Variants in VPS13C observed in about 807,000 individuals in gnomAD.
VPS13C encodes the protein vacuolar protein sorting 13 homolog C, also known as intermembrane lipid transfer protein VPS13C.
VPS13C carries 358 observed loss-of-function variants against 456.8 expected under a neutral mutation model. The observed-to-expected ratio is 0.78, with a 90% CI of 0.72 to 0.86. VPS13C has a LOEUF of 0.86. Ranked by LOEUF, VPS13C falls within the 40% of genes least tolerant of loss-of-function variation. VPS13C has a pLI of 0.00. For missense variants in VPS13C, 4,818 were observed against 4,385.4 expected, an observed-to-expected ratio of 1.10 and a Z score of -2.79; for synonymous variants, 1,578 against 1,486.7, an observed-to-expected ratio of 1.06 and a Z score of -1.41.
At chr15:61,884,611 C>G (rs563474794) in intron 67 of VPS13C, among the ~76,000 whole-genome samples, 8 of 151,884 alleles carry the variant, frequency 5.3e-5, no homozygotes, top group African/African-American at 1.9e-4. Flanking sequence ...AGAGAAAAAA[C>G]TCCCATAAAT....
Position 61,942,018 on chromosome 15 carries a change from G to A in VPS13C, c.5198C>T (p.Thr1733Ile). ...AGCAGCTCTTTCTGCAGCCTGGACT[G>A]TGGCTGTACTCAAAGCTTCTTTAGC... ...QTAKEALSTATVQAAERAASS... is the reference protein window; with the variant it reads ...QTAKEALSTAIVQAAERAASS... Residue 1733 changes from threonine to isoleucine, a missense_variant, in exon 46 of 85, where the codon ACA becomes ATA. By Grantham distance (89) the Thr-to-Ile change is moderately conservative. Transcript: ENST00000644861. 1 of 1,612,516 alleles carries A rather than the reference G, an allele frequency of 6.2e-7. No homozygotes were observed. Among genetic ancestry groups the A allele is most frequent in the South Asian group, 1.1e-5 (1 of 90,872 alleles).
At chr15:61,960,029 T>C (rs1340120474) in intron 35 of VPS13C, among the ~76,000 whole-genome samples, 1 of 152,220 alleles carries the variant, frequency 6.6e-6, no homozygotes, top group Non-Finnish European at 1.5e-5. Flanking sequence ...AGACTTGCCT[T>C]GTAGTCATTA....
intron 48 of VPS13C, among the ~76,000 whole-genome samples, 161 bp from the exon 49 acceptor site, chr15:61,934,492 A>G (rs1193243113): frequency 6.6e-6 from 1 of 152,196 alleles, no homozygotes; most frequent in Non-Finnish European, 1.5e-5. Flanking sequence ...CCAACTGTTA[A>G]ATTTTAAAAA....
intron 1 of VPS13C, among the ~76,000 whole-genome samples, chr15:62,056,708 C>A (rs1478281784): frequency 6.6e-6 from 1 of 152,002 alleles, no homozygotes; most frequent in Non-Finnish European, 1.5e-5. Flanking sequence ...TCAGTGGTCA[C>A]GCTCCTAGTC....
intron 6 of VPS13C, among the ~76,000 whole-genome samples, chr15:62,025,016 T>C (rs1348597564): frequency 6.6e-6 from 1 of 152,104 alleles, no homozygotes; most frequent in Non-Finnish European, 1.5e-5. Context: ...AGAATTGCAT[T>C]AAACAGTGAT....
chr15:61,934,345 T>A lies in VPS13C; in HGVS notation c.5756-14A>T, dbSNP rs925549152. ...AATCTTCTTGTTCTAATGGTGAAAA[T>A]TTAAAAGCTTTTAAGTAGGTACGTA... On this transcript the variant is annotated splice_polypyrimidine_tract_variant and intron_variant, in intron 48 of 84. Coordinates refer to ENST00000644861, the MANE Select transcript of VPS13C (RefSeq NM_020821.3). The A allele has an allele frequency of 7.0e-7, 1 of 1,435,696 alleles. No individual in the cohort carries two copies. Among genetic ancestry groups the A allele is most frequent in the Non-Finnish European group, 9.3e-7 (1 of 1,073,508 alleles). The allele number at this position is 1,435,696 out of a possible 1,614,324, so 88.9% of individuals were successfully genotyped here.
chr15:61,865,549 T>C lies in VPS13C; in HGVS notation c.10864-2021A>G, dbSNP rs961850176. ...CATATAATGTATGTATATATGTATGTGTAAATATGTGTATGTTTGCGTATA... is the reference window on the plus strand; with the variant it reads ...CATATAATGTATGTATATATGTATGCGTAAATATGTGTATGTTTGCGTATA... On this transcript the variant is annotated intron_variant, in intron 81 of 84. Coordinates refer to ENST00000644861, the MANE Select transcript of VPS13C (RefSeq NM_020821.3). 5 of 872,684 alleles carry C rather than the reference T, an allele frequency of 5.7e-6. No individual in the cohort carries two copies. In the Admixed American group the frequency reaches 1.9e-4, roughly 33 times the overall value. 54.1% of individuals were successfully genotyped at this position (872,684 alleles called of 1,614,324 possible). A position where few individuals can be genotyped will look rare whatever the true frequency, so the allele number is the denominator to read the frequency against.
intron 81 of VPS13C, chr15:61,864,562 C>A (rs746195506): frequency 5.9e-5 from 56 of 941,378 alleles, no homozygotes; most frequent in Non-Finnish European, 6.7e-5. Flanking sequence ...ATAATATAAT[C>A]AATATAACCA....
Position 61,918,206 on chromosome 15 carries a change from C to A in VPS13C, c.7690G>T (p.Val2564Phe). ...ATCCCAATGCGCTCCAATAGCTTAA[C>A]ATTCTTAACAAATTTATAGATGATA... is the stretch of plus-strand genomic sequence containing the variant. ...AFIIYKFVKN[V>F]KLLERIGIAR... The change falls in exon 59 of 85, where the codon GTT (valine) becomes TTT (phenylalanine). Residue 2564 changes from valine to phenylalanine, a missense_variant. Physicochemically the swap from Val to Phe is conservative, Grantham distance 50 (BLOSUM62 -1). This residue lies in a region of VPS13C where 4,552 missense variants were observed against 4,130.6 expected (regional missense o/e 1.10). Transcript: ENST00000644861. 1 of 1,595,730 alleles carries A rather than the reference C, an allele frequency of 6.3e-7. No individual in the cohort carries two copies. The highest frequency in any genetic ancestry group is 8.5e-7 in the Non-Finnish European group (1 of 1,172,840).
At chr15:61,965,742 T>C (rs899801556) in intron 30 of VPS13C, among the ~76,000 whole-genome samples, 1 of 151,900 alleles carries the variant, frequency 6.6e-6, no homozygotes, top group Non-Finnish European at 1.5e-5. Context: ...CCTTATATTT[T>C]ATACACTTTT....
chr15:61,868,587 C>T (rs1894762623), intron 81 of VPS13C, 72 bp downstream of exon 81: 15 of 1,298,382 alleles, frequency 1.2e-5, no homozygotes, highest in Non-Finnish European at 1.7e-5. Flanking sequence ...CTTTAAGAAC[C>T]ACCTAGGAAA....
At chr15:61,918,279 A>G in intron 58 of VPS13C, 22 bp from the exon 59 acceptor site, 1 of 1,521,734 alleles carries the variant, frequency 6.6e-7, no homozygotes, top group Non-Finnish European at 8.8e-7. Context: ...AAAAAAATAC[A>G]AGTTTTTTAA....
At chr15:61,982,662 T>C in intron 20 of VPS13C, 89 bp from the exon 21 acceptor site, 1 of 860,788 alleles carries the variant, frequency 1.2e-6, no homozygotes, top group South Asian at 1.8e-5. Flanking sequence ...TCTAAACAGC[T>C]GTAGCTTTGA....
chr15:62,044,372 C>A, intron 1 of VPS13C, 117 bp from the exon 2 acceptor site: 1 of 591,244 alleles, frequency 1.7e-6, no homozygotes, highest in Admixed American at 3.9e-5. Context: ...CAATGATAAA[C>A]AAAGGTGACT....
intron 43 of VPS13C, 82 bp downstream of exon 43, chr15:61,947,111 T>G: frequency 7.9e-6 from 7 of 881,482 alleles, no homozygotes; most frequent in Non-Finnish European, 1.0e-5. Context: ...AGAAAACTCA[T>G]GAGAAATCTA....
At chr15:61,964,409 A>G (rs1000219923) in intron 31 of VPS13C, among the ~76,000 whole-genome samples, 1 of 152,028 alleles carries the variant, frequency 6.6e-6, no homozygotes, top group Non-Finnish European at 1.5e-5. Context: ...CCCCTTCAGG[A>G]GCCACTGAGC....
At chr15:61,886,614 C>G (rs921260506) in intron 67 of VPS13C, among the ~76,000 whole-genome samples, 1 of 152,082 alleles carries the variant, frequency 6.6e-6, no homozygotes. Flanking sequence ...CCCAACAAAA[C>G]ATTATTTATG....
chr15:62,056,847 T>C (rs12594946), intron 1 of VPS13C, among the ~76,000 whole-genome samples: 60,310 of 152,144 alleles, frequency 0.4, 13,192 homozygotes, highest in Admixed American at 0.51. Context: ...GTCTCCTCTC[T>C]CTCTCTGCCT....
chr15:61,854,869 A>G lies in VPS13C; in HGVS notation c.11160+2T>C. ...TTGAGGCATGCTCTTTAAATTGTTT[A>G]CCTCTGCTGTGGCGGTGTCCTTCAG... On this transcript the variant is annotated splice_donor_variant, in intron 84 of 84. Coordinates refer to ENST00000644861, the MANE Select transcript of VPS13C (RefSeq NM_020821.3). LOFTEE classifies it high-confidence loss of function. 6.2e-7 allele frequency: 1 copy of G among 1,601,044 alleles called. No individual in the cohort carries two copies. The highest frequency in any genetic ancestry group is 1.1e-5 in the South Asian group (1 of 88,106).
Sources: allele counts gnomAD v4.1 joint callset (sites outside exome capture counted in the v4.1 genomes callset), GRCh38; gene constraint gnomAD v4.1.1; regional missense constraint gnomAD v4.1.1; transcripts MANE v1.5; gene names NCBI Gene and HGNC (gene_info 2026-07-23, HGNC 2026-07-21).